Variants in SATB2 observed in about 807,000 individuals in gnomAD.
The protein encoded by SATB2 is DNA-binding protein SATB2.
In SATB2, 1 loss-of-function variant was observed where a neutral mutation model predicts 73.4. That is an observed-to-expected ratio of 0.01 (90% CI 0.00 to 0.06). The LOEUF (loss-of-function observed/expected upper bound fraction) is 0.06, where lower values mean the gene tolerates loss of function less well. Among genes scored for constraint, SATB2 ranks in the 10% least tolerant of loss-of-function variants. The pLI, the probability that SATB2 is intolerant of heterozygous loss-of-function variation, is 1.00. For synonymous variants in SATB2, 397 were observed against 367.0 expected (o/e 1.08, Z -0.93); for missense variants, 459 against 945.8 (o/e 0.49, Z 6.75).
At chr2:199,428,556 C>T (rs1410748644) in intron 3 of SATB2, among the ~76,000 whole-genome samples, 1 of 152,120 alleles carries the variant, frequency 6.6e-6, no homozygotes, top group African/African-American at 2.4e-5. Context: ...CACTAGCCTG[C>T]GCCTCTGGGA....
At chr2:199,417,217 G>C (rs572521245) in intron 3 of SATB2, among the ~76,000 whole-genome samples, 1 of 149,576 alleles carries the variant, frequency 6.7e-6, no homozygotes, top group South Asian at 2.1e-4. Flanking sequence ...AATATAATTC[G>C]GCATGAAGCT....
upstream of SATB2, among the ~76,000 whole-genome samples, chr2:199,461,947 C>T (rs576444766): frequency 6.6e-6 from 1 of 152,202 alleles, no homozygotes. Flanking sequence ...TTCCTAGAGG[C>T]CCGCTCCGGA....
rs115641948 is a variant in SATB2 at position 199,414,325 on chromosome 2, T to C, written c.346+19013A>G. On this transcript the variant is annotated intron_variant, in intron 3 of 10. Transcript: ENST00000417098. Reference sequence around the variant, plus strand: ...AATTTTCAAAGCAATTTTGTCTTCATGATAGCCACGGTACTTGTGTGCTCT... The same window carrying C: ...AATTTTCAAAGCAATTTTGTCTTCACGATAGCCACGGTACTTGTGTGCTCT... Among the ~76,000 whole-genome samples the C allele has an allele frequency of 7.1e-3, 1,081 of 152,328 alleles. 5 individuals are homozygous for C. Among genetic ancestry groups the C allele is most frequent in the Non-Finnish European group, 0.012 (793 of 68,028 alleles).
chr2:199,305,511 G>A (rs1687407532), intron 10 of SATB2, among the ~76,000 whole-genome samples: 1 of 152,040 alleles, frequency 6.6e-6, no homozygotes, highest in Admixed American at 6.5e-5. Flanking sequence ...TAAAAAACAA[G>A]GGCTTAAAAT....
chr2:199,436,057 T>A (rs537298322), intron 2 of SATB2, among the ~76,000 whole-genome samples: 1 of 152,326 alleles, frequency 6.6e-6, no homozygotes, highest in South Asian at 2.1e-4. Context: ...CAGTTCCTAA[T>A]GTCAACATCT....
intron 8 of SATB2, 38 bp from the exon 9 acceptor site, chr2:199,323,996 C>T: frequency 1.2e-6 from 2 of 1,610,606 alleles, no homozygotes; most frequent in Non-Finnish European, 1.7e-6. Context: ...TTAAAAAGTG[C>T]TGCATTCAGC....
At chr2:199,365,493 T>C (rs1689257031) in intron 6 of SATB2, among the ~76,000 whole-genome samples, 4 of 152,116 alleles carry the variant, frequency 2.6e-5, no homozygotes, top group South Asian at 2.1e-4. Flanking sequence ...TCAACCATGA[T>C]TGTCTTTGAA....
intron 2 of SATB2, among the ~76,000 whole-genome samples, chr2:199,439,318 C>T (rs535145138): frequency 2.0e-5 from 3 of 152,242 alleles, no homozygotes; most frequent in Non-Finnish European, 2.9e-5. Context: ...GCCAGGCTTT[C>T]GCCTCCCCTC....
rs1260604576 is a variant in SATB2, at chr2:199,272,839, T to A, written c.1741-167A>T. Among the ~76,000 whole-genome samples the A allele has an allele frequency of 6.6e-6, 1 of 152,150 alleles. No homozygotes were observed. The highest frequency in any genetic ancestry group is 1.5e-5 in the Non-Finnish European group (1 of 68,028). On this transcript the variant is annotated intron_variant, in intron 10 of 10. Coordinates refer to ENST00000417098, the MANE Select transcript of SATB2 (RefSeq NM_001172509.2). This position sits in a 1 kb window ranked among gnomAD's most constrained non-coding sequence, Gnocchi z 6.7. Reference sequence around the variant, plus strand: ...TAAAAGCATTTCTGGACATTTAGTATCTCACCTACAAAACAGGAGGTTCAT... The same window carrying A: ...TAAAAGCATTTCTGGACATTTAGTAACTCACCTACAAAACAGGAGGTTCAT...
chr2:199,336,959 C>T (rs965564311), intron 7 of SATB2, among the ~76,000 whole-genome samples: 9 of 152,174 alleles, frequency 5.9e-5, no homozygotes, highest in African/African-American at 2.2e-4. Flanking sequence ...TAGAGAGCTT[C>T]TAACTGTATG....
chr2:199,313,361 A>C (rs539197778), intron 9 of SATB2, among the ~76,000 whole-genome samples: 1 of 152,336 alleles, frequency 6.6e-6, no homozygotes, highest in South Asian at 2.1e-4. Flanking sequence ...TCGCAATTAA[A>C]ACTTTACCTT....
At chr2:199,376,481 CT>C (rs1689609062) in intron 5 of SATB2, among the ~76,000 whole-genome samples, 1 of 152,078 alleles carries the variant, frequency 6.6e-6, no homozygotes, top group Non-Finnish European at 1.5e-5. Flanking sequence ...GTTGTCACAA[CT>C]GGGGGAAGGG....
intron 3 of SATB2, chr2:199,397,925 C>A: frequency 4.1e-6 from 1 of 244,944 alleles, no homozygotes. Context: ...TAGCAGAGTG[C>A]TATGGGACAA....
chr2:199,319,572 G>C (rs751994481), intron 9 of SATB2, among the ~76,000 whole-genome samples: 1 of 152,014 alleles, frequency 6.6e-6, no homozygotes, highest in African/African-American at 2.4e-5. Flanking sequence ...CAGCCCTTCG[G>C]AAGTTTTTGT....
chr2:199,460,442 C>G (rs886419283), upstream of SATB2: 2 of 152,344 alleles, frequency 1.3e-5, no homozygotes, highest in Non-Finnish European at 2.9e-5. This position sits in a 1 kb window ranked among gnomAD's most constrained non-coding sequence, Gnocchi z 4.0. Flanking sequence ...AATGCTGTAT[C>G]CTTCCTTACC....
At chr2:199,396,858 C>T (rs1362888193) in intron 3 of SATB2, 12 of 152,120 alleles carry the variant, frequency 7.9e-5, no homozygotes, top group Non-Finnish European at 1.3e-4. Context: ...AGATTGCAAC[C>T]GCCCTCATCT....
chr2:199,280,508 A>C (rs1692454731), intron 10 of SATB2, among the ~76,000 whole-genome samples: 1 of 152,216 alleles, frequency 6.6e-6, no homozygotes, highest in African/African-American at 2.4e-5. Flanking sequence ...TTTCAAAAGC[A>C]AATGGGAGAA....
intron 3 of SATB2, among the ~76,000 whole-genome samples, chr2:199,401,448 G>A (rs1222776444): frequency 1.3e-5 from 2 of 151,760 alleles, no homozygotes; most frequent in Non-Finnish European, 2.9e-5. Flanking sequence ...AGCTACTAGG[G>A]AGCCTGAGGC....
Position 199,463,699 on chromosome 2 carries a change from G to A in SATB2, c.-141+1137C>T, listed in dbSNP as rs1692531206. 1.3e-5 allele frequency among the ~76,000 whole-genome samples: 2 copies of A among 152,168 alleles called. No homozygotes were observed. The highest frequency in any genetic ancestry group is 2.4e-5 in the African/African-American group (1 of 41,450). On this transcript the variant is annotated intron_variant, in intron 1 of 11. Coordinates refer to the SATB2 transcript ENST00000260926. This position sits in a 1 kb window ranked among gnomAD's most constrained non-coding sequence, Gnocchi z 6.4. ...GGGGATGGGCAGGTCCCTGGCCCAG[G>A]GTACCACCGGGCCACTCAACACAAA... is the stretch of plus-strand genomic sequence containing the variant.
Sources: allele counts gnomAD v4.1 joint callset (sites outside exome capture counted in the v4.1 genomes callset), GRCh38; gene constraint gnomAD v4.1.1; non-coding constraint Gnocchi (gnomAD v3.1); transcripts MANE v1.5; gene names NCBI Gene and HGNC (gene_info 2026-07-23, HGNC 2026-07-21).